AKR1B15: variants seen among roughly 807,000 people sequenced by gnomAD.
The protein encoded by AKR1B15 is aldo-keto reductase family 1 member B15, also known as estradiol 17-beta-dehydrogenase AKR1B15.
Under a neutral mutation model 38.5 loss-of-function variants are expected in AKR1B15, and 49 were observed. The observed-to-expected ratio is 1.27, with a 90% CI of 1.01 to 1.62. The LOEUF (loss-of-function observed/expected upper bound fraction) is 1.62. Ranked by LOEUF, AKR1B15 falls within the 40% of genes most tolerant of loss-of-function variation. The probability of loss-of-function intolerance (pLI) is 0.00; values close to 1 mark genes in which losing one functional copy is unlikely to be tolerated. For missense variants in AKR1B15, 411 were observed against 381.6 expected (o/e 1.08, Z -0.64); for synonymous variants, 137 against 135.5 (o/e 1.01, Z -0.08).
At chr7:134,575,750 T>G in intron 7 of AKR1B15, 71 bp from the exon 8 acceptor site, 1 of 1,596,702 alleles carries the variant, frequency 6.3e-7, no homozygotes, top group Non-Finnish European at 8.5e-7. Flanking sequence ...TTTTTTTGTG[T>G]GTAGAACTCC....
chr7:134,562,416 A>G (rs1196619832), intron 2 of AKR1B15, among the ~76,000 whole-genome samples: 3 of 150,630 alleles, frequency 2.0e-5, no homozygotes, highest in East Asian at 1.9e-4. Flanking sequence ...TCCATTTTAC[A>G]GAGTGCTGAT....
chr7:134,565,750 ATGAGAACT>A (rs761869653), intron 3 of AKR1B15, among the ~76,000 whole-genome samples: 3 of 152,148 alleles, frequency 2.0e-5, no homozygotes, highest in Non-Finnish European at 4.4e-5. Flanking sequence ...CCCAGCAGTG[ATGAGAACT>A]CCTCTAGCAA....
intron 3 of AKR1B15, among the ~76,000 whole-genome samples, chr7:134,566,773 A>G (rs1363767165): frequency 6.6e-6 from 1 of 152,094 alleles, no homozygotes; most frequent in Admixed American, 6.5e-5. Flanking sequence ...CTGCTGCAGC[A>G]CTGGGTCATT....
chr7:134,565,637 C>A, intron 3 of AKR1B15: 1 of 1,561,034 alleles, frequency 6.4e-7, no homozygotes, highest in South Asian at 1.2e-5. Context: ...GCCTGGAGGT[C>A]GGGTAGGGGT....
chr7:134,549,904 C>T (rs1793907351), intron 1 of AKR1B15, among the ~76,000 whole-genome samples: 3 of 152,176 alleles, frequency 2.0e-5, no homozygotes, highest in Admixed American at 2.0e-4. Context: ...CCCAGGAGGT[C>T]AAATTCCTCA....
At chr7:134,563,065 T>C (rs1291684837) in intron 2 of AKR1B15, among the ~76,000 whole-genome samples, 1 of 151,958 alleles carries the variant, frequency 6.6e-6, no homozygotes, top group Non-Finnish European at 1.5e-5. Flanking sequence ...AACTTTGGGC[T>C]GTGTTGAATT....
rs750089056 is a variant in AKR1B15, at chr7:134,577,721, G to A, written c.927G>A (p.Leu309=). ...CTTTCTAGGTCTTTGACTTTAAATT[G>A]AGTGATGAGGAGATGGCAACCATAC... is the stretch of plus-strand genomic sequence containing the variant. ...VENIQVFDFK[L]SDEEMATILS... is the part of the protein sequence containing the mutation. Residue 309 remains leucine, a synonymous_variant, in exon 11 of 12, where the codon TTG becomes TTA. Transcript: ENST00000457545. 1.2e-5 allele frequency: 19 copies of A among 1,613,774 alleles called. No individual in the cohort carries two copies. Among genetic ancestry groups the A allele is most frequent in the Non-Finnish European group, 1.6e-5 (19 of 1,179,936 alleles).
Position 134,568,207 on chromosome 7 carries a change from A to C in AKR1B15, c.200A>C (p.Glu67Ala), listed in dbSNP as rs767294095. 19 of 1,613,994 alleles carry C rather than the reference A, an allele frequency of 1.2e-5. No homozygotes were observed. The highest frequency in any genetic ancestry group is 4.4e-5 in the South Asian group (4 of 91,078). ...KEAVKVAIDA[E>A]YRHIDCAYFY... ...GCGGTGAAGGTGGCCATTGATGCAG[A>C]ATATCGCCACATTGACTGTGCCTAT... The change falls in exon 4 of 12, where the codon GAA (glutamate) becomes GCA (alanine). Residue 67 changes from glutamate (E) to alanine (A), a missense_variant. By Grantham distance (107) the Glu-to-Ala change is moderately radical. Transcript: ENST00000457545.
chr7:134,553,930 C>A (rs1295065044), intron 1 of AKR1B15, among the ~76,000 whole-genome samples: 4 of 152,208 alleles, frequency 2.6e-5, no homozygotes, highest in African/African-American at 9.6e-5. Flanking sequence ...TAGGCCCAGG[C>A]ACTGCCGGCA....
In AKR1B15 at chr7:134,569,372, C is replaced by T. The variant is rs750764750; in HGVS notation, c.319-41C>T. 3 of 1,610,078 alleles carry T rather than the reference C, an allele frequency of 1.9e-6. No individual in the cohort carries two copies. The South Asian group carries it at 3.3e-5, about 18-fold the overall frequency. On this transcript the variant is annotated intron_variant, in intron 4 of 11. Transcript: ENST00000457545. ...GACAATGAGTATAATGTGGCCCTTCCTTTTCCCAGTATTACTAGCTCATTG... is the reference window on the plus strand; with the variant it reads ...GACAATGAGTATAATGTGGCCCTTCTTTTTCCCAGTATTACTAGCTCATTG...
intron 1 of AKR1B15, among the ~76,000 whole-genome samples, chr7:134,553,539 G>C (rs1207961682): frequency 6.6e-6 from 1 of 152,218 alleles, no homozygotes; most frequent in Non-Finnish European, 1.5e-5. Flanking sequence ...CCAGGTCCAG[G>C]AGGCTGATAA....
At chr7:134,573,425 A>G (rs1012637375) in intron 6 of AKR1B15, 10 of 985,280 alleles carry the variant, frequency 1.0e-5, no homozygotes, top group South Asian at 9.4e-5. Flanking sequence ...TCACAGTGCT[A>G]TGTTTTCTTA....
At chr7:134,559,445 T>G (rs149615544) in intron 2 of AKR1B15, among the ~76,000 whole-genome samples, 1 of 152,152 alleles carries the variant, frequency 6.6e-6, no homozygotes, top group African/African-American at 2.4e-5. Flanking sequence ...CCCACCAAAT[T>G]GTAAGCCATG....
intron 2 of AKR1B15, among the ~76,000 whole-genome samples, chr7:134,560,958 ATTT>A (rs970068038): frequency 2.0e-5 from 3 of 152,218 alleles, no homozygotes; most frequent in Non-Finnish European, 2.9e-5. Context: ...TCCTTAAAAA[ATTT>A]TTGTTTTCCT....
chr7:134,562,856 TTCTTTCTTTCTTTC>T (rs1187989557), intron 2 of AKR1B15, among the ~76,000 whole-genome samples: 2 of 137,994 alleles, frequency 1.4e-5, no homozygotes, highest in East Asian at 4.0e-4. Context: ...CTTTCTTTCT[TTCTTTCTTTCTTTC>T]TTTCTTTCTT....
intron 5 of AKR1B15, chr7:134,569,907 A>G (rs1366402253): frequency 1.5e-5 from 3 of 199,924 alleles, no homozygotes; most frequent in Admixed American, 5.3e-5. Context: ...TGTTTGAACA[A>G]TATCAAATAT....
Position 134,575,426 on chromosome 7 carries a change from G to C in AKR1B15, c.520G>C (p.Glu174Gln), listed in dbSNP as rs1413873232. The C allele has an allele frequency of 6.2e-7, 1 of 1,613,758 alleles. No individual in the cohort carries two copies. ...GTFLDAWEAM[E>Q]ELVDEGLVKA... is the part of the protein sequence containing the mutation. Reference sequence around the variant, plus strand: ...GTATTCCTTTCTATGATAGGCCATGGAGGAGCTGGTGGACGAGGGGCTGGT... The same window carrying C: ...GTATTCCTTTCTATGATAGGCCATGCAGGAGCTGGTGGACGAGGGGCTGGT... The change falls in exon 7 of 12, where the codon GAG (glutamate) becomes CAG (glutamine). Residue 174 changes from glutamate (E) to glutamine (Q), a missense_variant. By Grantham distance (29) the Glu-to-Gln change is conservative (BLOSUM62 2). Transcript: ENST00000457545.
intron 9 of AKR1B15, 59 bp from the exon 10 acceptor site, chr7:134,576,904 T>A: frequency 6.8e-7 from 1 of 1,475,700 alleles, no homozygotes; most frequent in South Asian, 1.1e-5. Context: ...ATTCTTCCTT[T>A]CCATAAAAGG....
intron 3 of AKR1B15, among the ~76,000 whole-genome samples, chr7:134,567,742 A>T (rs1297428644): frequency 5.9e-5 from 9 of 152,216 alleles, no homozygotes; most frequent in Non-Finnish European, 1.2e-4. Flanking sequence ...GTCTTCAGAA[A>T]GTTGTAGTGG....
Sources: allele counts gnomAD v4.1 joint callset (sites outside exome capture counted in the v4.1 genomes callset), GRCh38; gene constraint gnomAD v4.1.1; transcripts MANE v1.5; gene names NCBI Gene and HGNC (gene_info 2026-07-23, HGNC 2026-07-21).